Variants in IGSF10 observed in about 807,000 individuals in gnomAD.
IGSF10 encodes the protein immunoglobulin superfamily member 10.
IGSF10 carries 126 observed loss-of-function variants against 128.2 expected under a neutral mutation model. That is an observed-to-expected ratio of 0.98 (90% confidence interval 0.85 to 1.14). IGSF10 has a LOEUF of 1.14. Among genes scored for constraint, IGSF10 ranks in the 50% most tolerant of loss-of-function variants. The pLI is 0.00. For synonymous variants in IGSF10, 1,185 were observed against 1,146.2 expected, an observed-to-expected ratio of 1.03 and a Z score of -0.68; for missense variants, 3,295 against 3,149.8, an observed-to-expected ratio of 1.05 and a Z score of -1.10.
At chr3:151,600,834 T>G in the IGSF10 span, among the ~76,000 whole-genome samples, 1 of 152,194 alleles carries the variant, frequency 6.6e-6, no homozygotes, top group Non-Finnish European at 1.5e-5. Flanking sequence ...GTAGTCTTAA[T>G]AAGTGCATTT....
chr3:151,498,726 C>G, the IGSF10 span, among the ~76,000 whole-genome samples: 104 of 152,090 alleles, frequency 6.8e-4, no homozygotes, highest in Non-Finnish European at 1.3e-3. Flanking sequence ...AAGCAGACAG[C>G]CATTTCAGAA....
At chr3:151,505,295 G>C in the IGSF10 span, among the ~76,000 whole-genome samples, 2 of 152,126 alleles carry the variant, frequency 1.3e-5, no homozygotes, top group African/African-American at 2.4e-5. Context: ...GAAAGAATGA[G>C]AGCCAAGTGA....
At position 151,438,402 on chromosome 3, in the gene IGSF10, C is replaced by T; in HGVS notation, c.6159G>A (p.Gly2053=). 1 of 1,614,140 alleles carries T rather than the reference C, an allele frequency of 6.2e-7. No homozygotes were observed. Among genetic ancestry groups the T allele is most frequent in the Non-Finnish European group, 8.5e-7 (1 of 1,180,024 alleles). The change falls in exon 8 of 8, where the codon GGG becomes GGA. Residue 2053 remains glycine, a synonymous_variant. Coordinates refer to ENST00000282466, the MANE Select transcript of IGSF10 (RefSeq NM_178822.5). ...CTTTGCAATCTACTTGGAAATCTTT[C>T]CCATGGAGCACTTGCTTTCTAAAAT... is the stretch of plus-strand genomic sequence containing the variant. ...KQYFRKQVLH[G]KDFQVDCKAS...
the IGSF10 span, among the ~76,000 whole-genome samples, chr3:151,543,685 G>C: frequency 6.6e-6 from 1 of 152,152 alleles, no homozygotes; most frequent in African/African-American, 2.4e-5. Flanking sequence ...GACAATAGTG[G>C]CTCAGAGCCA....
chr3:151,501,193 G>A, the IGSF10 span, among the ~76,000 whole-genome samples: 1 of 152,002 alleles, frequency 6.6e-6, no homozygotes, highest in Non-Finnish European at 1.5e-5. Flanking sequence ...AAGGCAGTTT[G>A]AGGACTTTTT....
chr3:151,436,753 T>C lies in IGSF10; in HGVS notation c.7808A>G (p.Tyr2603Cys), dbSNP rs759509222. The C allele has an allele frequency of 5.0e-6, 8 of 1,614,174 alleles. No individual in the cohort carries two copies. The highest frequency in any genetic ancestry group is 1.1e-5 in the South Asian group (1 of 91,078). Residue 2603 changes from tyrosine (Y) to cysteine (C), a missense_variant, in exon 8 of 8, where the codon TAC becomes TGC. Tyr to Cys is a radical substitution (Grantham distance 194). Coordinates refer to ENST00000282466, the MANE Select transcript of IGSF10 (RefSeq NM_178822.5). ...QNPQTSDSGI[Y>C]KCTAKNPLGS... ...AAGTGGGTTCTTTGCTGTGCATTTG[T>C]ATATCCCAGAATCGGAGGTTTGGGG...
the IGSF10 span, among the ~76,000 whole-genome samples, chr3:151,512,716 G>A: frequency 4.6e-5 from 7 of 152,092 alleles, no homozygotes; most frequent in Non-Finnish European, 8.8e-5. Flanking sequence ...TAGACTGCTA[G>A]CAAGACTAAT....
In IGSF10 at chr3:151,437,288, T is replaced by TGAC; in HGVS notation, c.7270_7272dup (p.Val2424dup). On this transcript the variant is annotated inframe_insertion, in exon 8 of 8. Coordinates refer to ENST00000282466, the MANE Select transcript of IGSF10 (RefSeq NM_178822.5). ...ACTGGCTTCTGGCCAATTTCTAATATGACTAATTTCTCAATATAGCCAACT... is the reference window on the plus strand; with the variant it reads ...ACTGGCTTCTGGCCAATTTCTAATATGACGACTAATTTCTCAATATAGCCAACT... The TGAC allele has an allele frequency of 6.2e-7, 1 of 1,614,198 alleles. No homozygotes were observed. The highest frequency in any genetic ancestry group is 1.3e-5 in the African/African-American group (1 of 75,060).
chr3:151,457,269 A>G (rs1721840997), intron 3 of IGSF10, 114 bp from the exon 4 acceptor site: 3 of 959,940 alleles, frequency 3.1e-6, no homozygotes, highest in African/African-American at 1.7e-5. Flanking sequence ...ACTGTACTCT[A>G]TTGAGACAAT....
the IGSF10 span, among the ~76,000 whole-genome samples, chr3:151,602,836 G>C: frequency 6.3e-3 from 967 of 152,292 alleles, 8 homozygotes; most frequent in Non-Finnish European, 8.7e-3. Flanking sequence ...TGATTATCCA[G>C]TTGAGAAGAG....
the IGSF10 span, among the ~76,000 whole-genome samples, chr3:151,505,056 A>T: frequency 3.3e-5 from 5 of 152,096 alleles, no homozygotes; most frequent in Non-Finnish European, 7.3e-5. Context: ...AGTTCCAAAG[A>T]TGCTTCCACA....
the IGSF10 span, among the ~76,000 whole-genome samples, chr3:151,480,705 C>A: frequency 6.6e-6 from 1 of 151,870 alleles, no homozygotes; most frequent in East Asian, 2.0e-4. Flanking sequence ...TGCTGCTATA[C>A]CCTGAGCTTG....
chr3:151,515,534 G>A, the IGSF10 span, among the ~76,000 whole-genome samples: 7 of 151,306 alleles, frequency 4.6e-5, no homozygotes, highest in South Asian at 2.1e-4. Flanking sequence ...ACGAGTTAAT[G>A]GGTGCAGCAC....
the IGSF10 span, among the ~76,000 whole-genome samples, chr3:151,509,629 G>A: frequency 1.3e-5 from 2 of 152,236 alleles, no homozygotes; most frequent in African/African-American, 4.8e-5. Flanking sequence ...GACAGTGTGT[G>A]CAGGACAGCG....
At chr3:151,496,726 T>C in the IGSF10 span, among the ~76,000 whole-genome samples, 3 of 151,940 alleles carry the variant, frequency 2.0e-5, no homozygotes, top group African/African-American at 7.3e-5. Flanking sequence ...ATGGTATTTC[T>C]AGTTCTAGAT....
chr3:151,572,587 C>T, the IGSF10 span, among the ~76,000 whole-genome samples: 20 of 151,782 alleles, frequency 1.3e-4, no homozygotes, highest in Middle Eastern at 3.2e-3. Context: ...CATTTTTTAT[C>T]GCATCTATTT....
the IGSF10 span, among the ~76,000 whole-genome samples, chr3:151,593,163 C>T: frequency 2.3e-3 from 355 of 152,226 alleles, no homozygotes; most frequent in African/African-American, 7.6e-3. Flanking sequence ...CAGGTGCTCG[C>T]GCTGACATCC....
At chr3:151,451,640 A>G (rs1721513137) in intron 5 of IGSF10, among the ~76,000 whole-genome samples, 2 of 152,246 alleles carry the variant, frequency 1.3e-5, no homozygotes, top group South Asian at 2.1e-4. Context: ...ATTGGCAATC[A>G]ATATAGCTAT....
chr3:151,438,137 G>A lies in IGSF10; in HGVS notation c.6424C>T (p.Arg2142Trp), dbSNP rs113037709. ...VHLTVITAAP[R>W]IRQSNKTNKR... ...TTGGTTTTGTTACTCTGCCTTATCC[G>A]GGGAGCAGCTGTTATAACTGTTAAG... Residue 2142 changes from arginine to tryptophan, a missense_variant, in exon 8 of 8, where the codon CGG becomes TGG. Coordinates refer to ENST00000282466, the MANE Select transcript of IGSF10 (RefSeq NM_178822.5). 20 of 1,613,978 alleles carry A rather than the reference G, an allele frequency of 1.2e-5. No individual in the cohort carries two copies. Among genetic ancestry groups the A allele is most frequent in the Middle Eastern group, 3.3e-4 (2 of 6,084 alleles).
Sources: gnomAD v4.1 joint callset for allele counts (sites outside exome capture counted in the v4.1 genomes callset) on GRCh38, gnomAD v4.1.1 for gene constraint, MANE v1.5 for transcripts, NCBI Gene and HGNC (gene_info 2026-07-23, HGNC 2026-07-21) for gene names.